The following DEPTOR variants were observed in gnomAD, a reference collection of about 807,000 sequenced individuals.
DEPTOR encodes the protein DEP domain-containing mTOR-interacting protein.
A neutral mutation model predicts 41.6 loss-of-function variants in DEPTOR; 41 were observed. The ratio of observed to expected loss-of-function variants is 0.98; its 90% confidence interval spans 0.77 to 1.28. The LOEUF (loss-of-function observed/expected upper bound fraction) is 1.28. Among genes scored for constraint, DEPTOR ranks in the 50% most tolerant of loss-of-function variants. DEPTOR has a pLI of 0.00. For missense variants in DEPTOR, 514 were observed against 527.9 expected, an observed-to-expected ratio of 0.97 and a Z score of 0.26; for synonymous variants, 195 against 192.3, an observed-to-expected ratio of 1.01 and a Z score of -0.12.
intron 8 of DEPTOR, among the ~76,000 whole-genome samples, chr8:120,021,490 T>C (rs1812713987): frequency 6.6e-6 from 1 of 152,242 alleles, no homozygotes; most frequent in African/African-American, 2.4e-5. Flanking sequence ...CTGGGTGTCA[T>C]TTATTATATT....
chr8:119,937,887 A>G (rs1828134007), intron 3 of DEPTOR, among the ~76,000 whole-genome samples: 1 of 152,212 alleles, frequency 6.6e-6, no homozygotes, highest in Non-Finnish European at 1.5e-5. Flanking sequence ...GAACCTGAAT[A>G]TTTTATAATG....
At chr8:119,977,370 A>G (rs1346352682) in intron 4 of DEPTOR, among the ~76,000 whole-genome samples, 1 of 152,118 alleles carries the variant, frequency 6.6e-6, no homozygotes. Flanking sequence ...CTTAGCTCCT[A>G]AATGTTCAAC....
rs537390817 is a variant in DEPTOR at position 120,019,661 on chromosome 8, G to C, written c.1101+10528G>C. On this transcript the variant is annotated intron_variant, in intron 8 of 8. Coordinates refer to ENST00000286234, the MANE Select transcript of DEPTOR (RefSeq NM_022783.4). Reference sequence around the variant, plus strand: ...TTGGTGAAGGATTAAAGGAAGTAATGCTTGCAGGGCCCCTCATGCCGGTCA... The same window carrying C: ...TTGGTGAAGGATTAAAGGAAGTAATCCTTGCAGGGCCCCTCATGCCGGTCA... Among the ~76,000 whole-genome samples the C allele has an allele frequency of 1.9e-4, 29 of 152,330 alleles. 1 individual carries two copies. The South Asian group carries it at 5.6e-3, about 29-fold the overall frequency.
At chr8:119,946,426 T>C (rs545484463) in intron 3 of DEPTOR, among the ~76,000 whole-genome samples, 1 of 149,998 alleles carries the variant, frequency 6.7e-6, no homozygotes, top group African/African-American at 2.5e-5. Flanking sequence ...ACCCAAATAG[T>C]GTTTGGTTTT....
chr8:119,950,665 C>T lies in DEPTOR; in HGVS notation c.426-14567C>T, dbSNP rs976746919. ...AGGCTGGAGTGCAGTGGTGCAATCT[C>T]GGCTCATTGCAATCTCCGCCTCCCG... On this transcript the variant is annotated intron_variant, in intron 3 of 8. Coordinates refer to ENST00000286234, the MANE Select transcript of DEPTOR (RefSeq NM_022783.4). 2.0e-5 allele frequency among the ~76,000 whole-genome samples: 3 copies of T among 151,994 alleles called. No individual in the cohort carries two copies. The East Asian group carries it at 5.8e-4, about 29-fold the overall frequency.
intron 1 of DEPTOR, among the ~76,000 whole-genome samples, chr8:119,894,688 G>T (rs959931459): frequency 6.6e-6 from 1 of 152,102 alleles, no homozygotes; most frequent in East Asian, 1.9e-4. Flanking sequence ...GAGCCAACGC[G>T]CCTGGCCTCT....
intron 3 of DEPTOR, among the ~76,000 whole-genome samples, chr8:119,958,532 C>T (rs1273185002): frequency 6.6e-6 from 1 of 152,070 alleles, no homozygotes; most frequent in Non-Finnish European, 1.5e-5. Context: ...CACCTGTAAT[C>T]CCAGCACTTT....
chr8:119,965,223 T>A lies in DEPTOR; in HGVS notation c.426-9T>A, dbSNP rs1345008466. 4 of 1,598,788 alleles carry A rather than the reference T, an allele frequency of 2.5e-6. No individual in the cohort carries two copies. The highest frequency in any genetic ancestry group is 3.4e-6 in the Non-Finnish European group (4 of 1,175,594). On this transcript the variant is annotated splice_polypyrimidine_tract_variant and intron_variant, in intron 3 of 8. Transcript: ENST00000286234. ...GGTTTACTTTTCTTTTCCCTTTTTT[T>A]CTTCCCAGGCTGATGAGCCCTGAAA...
At chr8:119,931,771 G>C (rs1828046346) in intron 3 of DEPTOR, among the ~76,000 whole-genome samples, 1 of 152,018 alleles carries the variant, frequency 6.6e-6, no homozygotes, top group African/African-American at 2.4e-5. Flanking sequence ...ATGTGCATTT[G>C]TTTTGTTGCT....
intron 8 of DEPTOR, among the ~76,000 whole-genome samples, chr8:120,033,081 CTT>C (rs35161313): frequency 0.01 from 1,014 of 98,810 alleles, 5 homozygotes; most frequent in African/African-American, 0.025. Flanking sequence ...ATATGGAATT[CTT>C]TTTTTTTTTT....
At chr8:119,990,941 G>A (rs1478639633) in intron 4 of DEPTOR, among the ~76,000 whole-genome samples, 2 of 152,134 alleles carry the variant, frequency 1.3e-5, no homozygotes, top group Non-Finnish European at 2.9e-5. Context: ...GACTTTTGCT[G>A]CTTTAGGAAA....
At chr8:120,007,971 A>G (rs995275349) in intron 7 of DEPTOR, among the ~76,000 whole-genome samples, 2 of 152,130 alleles carry the variant, frequency 1.3e-5, no homozygotes, top group African/African-American at 4.8e-5. Flanking sequence ...TTGATTTTTA[A>G]TTTAAATGCC....
chr8:119,898,829 A>T (rs900821093), intron 1 of DEPTOR, among the ~76,000 whole-genome samples: 1 of 152,204 alleles, frequency 6.6e-6, no homozygotes, highest in African/African-American at 2.4e-5. Flanking sequence ...GCCACATAGA[A>T]CCCTAAATCA....
chr8:119,960,234 A>G (rs564208473), intron 3 of DEPTOR, among the ~76,000 whole-genome samples: 1 of 141,336 alleles, frequency 7.1e-6, no homozygotes, highest in African/African-American at 2.7e-5. Flanking sequence ...AAAAAAAAAA[A>G]CAAAAAACAA....
chr8:119,994,356 T>C (rs1054188880), intron 4 of DEPTOR, among the ~76,000 whole-genome samples: 5 of 152,168 alleles, frequency 3.3e-5, no homozygotes, highest in Admixed American at 6.5e-5. Context: ...ACAAACTCTA[T>C]GTCATTTAGC....
chr8:120,046,696 C>T (rs1813158301), intron 8 of DEPTOR, among the ~76,000 whole-genome samples: 1 of 152,154 alleles, frequency 6.6e-6, no homozygotes, highest in African/African-American at 2.4e-5. Flanking sequence ...TCTGCCTCAG[C>T]CTCCCAAAGT....
intron 4 of DEPTOR, 30 bp downstream of exon 4, chr8:119,965,440 GAACA>G: frequency 6.3e-7 from 1 of 1,599,656 alleles, no homozygotes; most frequent in Non-Finnish European, 8.5e-7. Flanking sequence ...TTTGCTGCAG[GAACA>G]AACAGCCAGC....
At chr8:120,033,758 A>C (rs1216454586) in intron 8 of DEPTOR, among the ~76,000 whole-genome samples, 1 of 152,158 alleles carries the variant, frequency 6.6e-6, no homozygotes, top group East Asian at 1.9e-4. Context: ...TTGCCAGGCA[A>C]GGATTTACTC....
chr8:119,935,475 C>T (rs1376806133), intron 3 of DEPTOR, among the ~76,000 whole-genome samples: 2 of 152,134 alleles, frequency 1.3e-5, no homozygotes, highest in African/African-American at 2.4e-5. Flanking sequence ...AAACCCAGCA[C>T]TTTGGGAGGC....
Sources: allele counts gnomAD v4.1 joint callset (sites outside exome capture counted in the v4.1 genomes callset), GRCh38; gene constraint gnomAD v4.1.1; transcripts MANE v1.5; gene names NCBI Gene and HGNC (gene_info 2026-07-23, HGNC 2026-07-21).